Variants in TFDP2 observed in about 807,000 individuals in gnomAD.
The protein encoded by TFDP2 is transcription factor Dp-2, also known as transcription factor Dp-2 (E2F dimerization partner 2).
Under a neutral mutation model 59.3 loss-of-function variants are expected in TFDP2, and 17 were observed. The observed-to-expected ratio is 0.29, with a 90% CI of 0.20 to 0.43. The LOEUF is 0.43. TFDP2 is among the 20% of genes least tolerant of loss of function. The pLI is 1.00. For missense variants in TFDP2, 391 were observed against 528.8 expected (o/e 0.74, Z 2.56); for synonymous variants, 180 against 194.7 (o/e 0.92, Z 0.63).
intron 4 of TFDP2, among the ~76,000 whole-genome samples, chr3:141,997,395 G>C (rs1943365452): frequency 6.6e-6 from 1 of 152,126 alleles, no homozygotes; most frequent in Non-Finnish European, 1.5e-5. Flanking sequence ...TGAGTTATTT[G>C]ATTAGCCTCT....
intron 1 of TFDP2, among the ~76,000 whole-genome samples, chr3:142,143,773 A>G (rs1202976340): frequency 6.6e-6 from 1 of 152,244 alleles, no homozygotes; most frequent in African/African-American, 2.4e-5. Context: ...GGGGATGTGC[A>G]GAGAAGGGAA....
intron 3 of TFDP2, among the ~76,000 whole-genome samples, chr3:142,052,718 G>A (rs911927981): frequency 5.3e-5 from 8 of 152,086 alleles, no homozygotes; most frequent in Admixed American, 4.6e-4. Flanking sequence ...AGGCTGGGTA[G>A]TCTCCCTCCC....
intron 3 of TFDP2, among the ~76,000 whole-genome samples, chr3:142,092,488 G>A (rs968434274): frequency 2.6e-5 from 4 of 151,840 alleles, no homozygotes; most frequent in African/African-American, 9.7e-5. Context: ...CACCATGCCC[G>A]GCTAAGTTTT....
chr3:142,111,942 T>C (rs2061680721), intron 1 of TFDP2, among the ~76,000 whole-genome samples: 1 of 152,076 alleles, frequency 6.6e-6, no homozygotes, highest in Non-Finnish European at 1.5e-5. Context: ...GGAGCGTGCC[T>C]GTAATCCCAG....
chr3:141,993,517 AAT>A lies in TFDP2; in HGVS notation c.356+19_356+20del. On this transcript the variant is annotated intron_variant, in intron 6 of 12. Coordinates refer to ENST00000489671, the MANE Select transcript of TFDP2 (RefSeq NM_001178139.2). ...CTATATAGCCAAATCTTCCAAACAA[AAT>A]AGTTAGACTTATACTCACCTTTCTG... is the stretch of plus-strand genomic sequence containing the variant. The A allele has an allele frequency of 6.5e-7, 1 of 1,527,966 alleles. No homozygotes were observed. Among genetic ancestry groups the A allele is most frequent in the Non-Finnish European group, 8.9e-7 (1 of 1,124,386 alleles). 94.7% of individuals were successfully genotyped at this position (1,527,966 alleles called of 1,614,324 possible). A position where few individuals can be genotyped will look rare whatever the true frequency, so the allele number is the denominator to read the frequency against.
At chr3:141,977,259 C>T (rs1490191197) in intron 7 of TFDP2, among the ~76,000 whole-genome samples, 9 of 148,874 alleles carry the variant, frequency 6.0e-5, no homozygotes, top group African/African-American at 2.0e-4. Context: ...CACTGCACCT[C>T]GCTAATTTAA....
chr3:142,135,521 C>T lies in TFDP2; in HGVS notation c.-93+13662G>A, dbSNP rs540712654. Among the ~76,000 whole-genome samples, 53 of 152,138 alleles carry T rather than the reference C, an allele frequency of 3.5e-4. No individual in the cohort carries two copies. In the South Asian group the frequency reaches 0.011, roughly 32 times the overall value. On this transcript the variant is annotated intron_variant, in intron 1 of 12. Transcript: ENST00000489671. ...GCTGCACCCATCAACTCGTCATTTACATTAGGTATTTATCCTAATGCTATC... is the reference window on the plus strand; with the variant it reads ...GCTGCACCCATCAACTCGTCATTTATATTAGGTATTTATCCTAATGCTATC...
chr3:142,020,582 A>T (rs1945511334), intron 3 of TFDP2, among the ~76,000 whole-genome samples: 1 of 151,938 alleles, frequency 6.6e-6, no homozygotes, highest in South Asian at 2.1e-4. Context: ...TCTGTAGGTC[A>T]ACAGCATCAC....
chr3:142,101,726 A>G lies in TFDP2; in HGVS notation c.15+9T>C. 1 of 1,363,336 alleles carries G rather than the reference A, an allele frequency of 7.3e-7. No individual in the cohort carries two copies. The highest frequency in any genetic ancestry group is 9.8e-7 in the Non-Finnish European group (1 of 1,025,122). 84.5% of individuals were successfully genotyped at this position (1,363,336 alleles called of 1,614,324 possible). ...CAATACTTACATTAAAAAATTTACA[A>G]ATACTTACATTTTTTGCCGTCATGT... On this transcript the variant is annotated intron_variant, in intron 2 of 12. Transcript: ENST00000489671.
intron 1 of TFDP2, among the ~76,000 whole-genome samples, chr3:142,120,318 C>T (rs1560165949): frequency 1.3e-5 from 2 of 151,798 alleles, no homozygotes; most frequent in Admixed American, 6.6e-5. Flanking sequence ...GCCAAGATCG[C>T]GCCACTGCAC....
chr3:142,148,762 CAAGCACACA>C (rs2108766966), intron 1 of TFDP2, among the ~76,000 whole-genome samples: 1 of 152,300 alleles, frequency 6.6e-6, no homozygotes, highest in East Asian at 1.9e-4. Flanking sequence ...GAGGTTCTTC[CAAGCACACA>C]AAGCTTAGAA....
chr3:142,012,905 G>A (rs34440738), intron 3 of TFDP2, among the ~76,000 whole-genome samples: 41 of 152,254 alleles, frequency 2.7e-4, no homozygotes, highest in Middle Eastern at 3.4e-3. Flanking sequence ...TTGGGAGGCC[G>A]AGGCAGGAGG....
chr3:142,144,369 CA>C (rs574504532), intron 1 of TFDP2, among the ~76,000 whole-genome samples: 12,506 of 123,808 alleles, frequency 0.1, 603 homozygotes, highest in Middle Eastern at 0.16. Context: ...GGCTCTGTCT[CA>C]AAAAAAAAAA....
chr3:141,984,744 T>G (rs1020048001), intron 6 of TFDP2, among the ~76,000 whole-genome samples: 1 of 152,228 alleles, frequency 6.6e-6, no homozygotes, highest in Non-Finnish European at 1.5e-5. Context: ...TTGTCTTTGA[T>G]GCTTAAGTTT....
Position 141,952,944 on chromosome 3 carries a change from T to C in TFDP2, c.1124A>G (p.Asp375Gly). The C allele has an allele frequency of 6.2e-7, 1 of 1,613,896 alleles. No individual in the cohort carries two copies. The highest frequency in any genetic ancestry group is 8.5e-7 in the Non-Finnish European group (1 of 1,179,968). ...LNSTQSVSNL[D>G]LTTGATLPQS... ...GGGTAAGGTGGCACCAGTGGTCAGGTCTAAATTTGAAACTGATTGGGTAGA... is the reference window on the plus strand; with the variant it reads ...GGGTAAGGTGGCACCAGTGGTCAGGCCTAAATTTGAAACTGATTGGGTAGA... The change falls in exon 12 of 13, where the codon GAC becomes GGC. Residue 375 changes from aspartate to glycine, a missense_variant. Physicochemically the swap from Asp to Gly is moderately conservative, Grantham distance 94. Transcript: ENST00000489671.
rs951937192 is a variant in TFDP2 at position 142,141,409 on chromosome 3, G to C, written c.-93+7774C>G. Among the ~76,000 whole-genome samples, 5 of 152,210 alleles carry C rather than the reference G, an allele frequency of 3.3e-5. No homozygotes were observed. The South Asian group carries it at 6.2e-4, about 19-fold the overall frequency. ...CAACCAGTCCCAATGAGATGAACCA[G>C]GTACCTCAGTTGGAAATGCAGAAAT... On this transcript the variant is annotated intron_variant, in intron 1 of 12. Coordinates refer to ENST00000489671, the MANE Select transcript of TFDP2 (RefSeq NM_001178139.2).
intron 3 of TFDP2, among the ~76,000 whole-genome samples, chr3:142,039,882 C>A (rs1168134520): frequency 6.6e-6 from 1 of 152,108 alleles, no homozygotes; most frequent in Non-Finnish European, 1.5e-5. Context: ...GTACCCCAGG[C>A]TCCAGGTACC....
rs964336546 is a variant in TFDP2, at chr3:141,996,782, G to A, written c.187-1641C>T. Among the ~76,000 whole-genome samples, 10 of 152,302 alleles carry A rather than the reference G, an allele frequency of 6.6e-5. No individual in the cohort carries two copies. In the East Asian group the frequency reaches 1.9e-3, roughly 29 times the overall value. ...AAGACCTTAGTTAGAGTCTGTTTATGTTTGACTATGTTAGCTTGGGGCTAG... is the reference window on the plus strand; with the variant it reads ...AAGACCTTAGTTAGAGTCTGTTTATATTTGACTATGTTAGCTTGGGGCTAG... On this transcript the variant is annotated intron_variant, in intron 4 of 12. Coordinates refer to ENST00000489671, the MANE Select transcript of TFDP2 (RefSeq NM_001178139.2).
chr3:141,957,064 T>C (rs184749702), intron 11 of TFDP2, among the ~76,000 whole-genome samples: 10 of 152,052 alleles, frequency 6.6e-5, no homozygotes, highest in African/African-American at 2.4e-4. Context: ...CTCACATGTA[T>C]AATCCCAACA....
Sources: gnomAD v4.1 joint callset for allele counts (sites outside exome capture counted in the v4.1 genomes callset) on GRCh38, gnomAD v4.1.1 for gene constraint, MANE v1.5 for transcripts, NCBI Gene and HGNC (gene_info 2026-07-23, HGNC 2026-07-21) for gene names.